Variants in PAX8 observed in about 807,000 individuals in gnomAD.
PAX8 encodes paired box protein Pax-8.
PAX8 carries 15 observed loss-of-function variants against 52.4 expected under a neutral mutation model. The observed-to-expected ratio is 0.29, with a 90% CI of 0.19 to 0.44. The LOEUF (loss-of-function observed/expected upper bound fraction) is 0.44, where lower values mean the gene tolerates loss of function less well. PAX8 is among the 20% of genes least tolerant of loss of function. PAX8 has a pLI of 1.00. For synonymous variants in PAX8, 284 were observed against 249.7 expected, an observed-to-expected ratio of 1.14 and a Z score of -1.29; for missense variants, 554 against 602.5, an observed-to-expected ratio of 0.92 and a Z score of 0.84.
In PAX8 at chr2:113,220,285, T is replaced by G. The variant is rs4849175; in HGVS notation, c.1190-107A>C. 1 allele frequency: 786,483 copies of G among 788,498 alleles called. 392,274 individuals are homozygous for G. Among genetic ancestry groups the G allele is most frequent in the East Asian group, 1 (37,622 of 37,622 alleles). 48.8% of individuals were successfully genotyped at this position (788,498 alleles called of 1,614,324 possible). On this transcript the variant is annotated intron_variant, in intron 10 of 11. Transcript: ENST00000429538. ...GGCAATGGGCAAGCTCAGGAATGGT[T>G]GGGGAGACAGTTGGAGCCACGGCAG... is the stretch of plus-strand genomic sequence containing the variant.
intron 5 of PAX8, 152 bp downstream of exon 5, chr2:113,242,538 G>T: frequency 1.4e-6 from 1 of 728,340 alleles, no homozygotes; most frequent in Non-Finnish European, 2.5e-6. Context: ...CGTCGCAGTG[G>T]CACAACTCAG....
intron 2 of PAX8, among the ~76,000 whole-genome samples, 176 bp downstream of exon 2, chr2:113,278,194 G>T (rs1435527790): frequency 6.6e-6 from 1 of 152,224 alleles, no homozygotes; most frequent in Non-Finnish European, 1.5e-5. Flanking sequence ...CCCAGTGCCC[G>T]AGAACAGCGA....
intron 4 of PAX8, among the ~76,000 whole-genome samples, chr2:113,243,211 A>G (rs953517089): frequency 5.3e-5 from 8 of 152,180 alleles, no homozygotes; most frequent in African/African-American, 1.9e-4. Flanking sequence ...TACTGCAGCC[A>G]GAGTGGACTT....
intron 10 of PAX8, chr2:113,226,806 T>C: frequency 8.1e-7 from 1 of 1,233,040 alleles, no homozygotes; most frequent in South Asian, 1.7e-5. Context: ...TCACAGTGTT[T>C]TGGGGCCCTT....
At chr2:113,261,812 A>C (rs936356560) in intron 2 of PAX8, among the ~76,000 whole-genome samples, 1 of 151,778 alleles carries the variant, frequency 6.6e-6, no homozygotes, top group African/African-American at 2.4e-5. Context: ...CATGCCCTGA[A>C]AGATTTTAGG....
At chr2:113,221,869 C>T (rs78038774) in intron 10 of PAX8, among the ~76,000 whole-genome samples, 6,641 of 151,518 alleles carry the variant, frequency 0.044, 230 homozygotes, top group South Asian at 0.15. Flanking sequence ...ACTGAGAACA[C>T]AGTAAGAAAG....
chr2:113,262,474 G>A (rs11903972), intron 2 of PAX8, among the ~76,000 whole-genome samples: 4 of 152,040 alleles, frequency 2.6e-5, no homozygotes, highest in Admixed American at 1.3e-4. Flanking sequence ...CTTCTGCAGC[G>A]GTGTTGCTCA....
chr2:113,256,226 C>T (rs537458141), intron 2 of PAX8, among the ~76,000 whole-genome samples: 7 of 152,204 alleles, frequency 4.6e-5, no homozygotes, highest in Non-Finnish European at 1.0e-4. Context: ...AAAGGAAACA[C>T]TGAAATAGCC....
chr2:113,243,085 G>A lies in PAX8; in HGVS notation c.390-307C>T, dbSNP rs191383744. 3.9e-5 allele frequency among the ~76,000 whole-genome samples: 6 copies of A among 152,210 alleles called. No individual in the cohort carries two copies. The East Asian group carries it at 5.8e-4, about 15-fold the overall frequency. On this transcript the variant is annotated intron_variant, in intron 4 of 11. Coordinates refer to ENST00000429538, the MANE Select transcript of PAX8 (RefSeq NM_003466.4). ...TTTTGACCTTGTGAACCTTGCCAAC[G>A]TTGACCCCTCTCTGCGTCTCTCCAT...
rs1178619735 is a variant in PAX8 at position 113,226,948 on chromosome 2, G to A, written c.1189+207C>T. The A allele has an allele frequency of 3.3e-5, 48 of 1,476,608 alleles. 1 individual carries two copies. The East Asian group carries it at 5.4e-4, about 17-fold the overall frequency. 91.5% of individuals were successfully genotyped at this position (1,476,608 alleles called of 1,614,324 possible). On this transcript the variant is annotated intron_variant, in intron 10 of 11. Coordinates refer to ENST00000429538, the MANE Select transcript of PAX8 (RefSeq NM_003466.4). The stretch of plus-strand genomic sequence containing the variant: ...TAGCAGGCCTGGGAAGAAGGAGGCC[G>A]AGCTGGGGCAAGTTAAATAGGGAGT...
At chr2:113,278,310 G>A (rs1331639414) in intron 2 of PAX8, 60 bp downstream of exon 2, 3 of 1,311,734 alleles carry the variant, frequency 2.3e-6, no homozygotes, top group Non-Finnish European at 3.3e-6. Flanking sequence ...CCACCCGAGC[G>A]CACGCACGGA....
In PAX8 at chr2:113,218,346, T is replaced by C. The variant is rs78802229; in HGVS notation, c.*187A>G. 0.058 allele frequency: 25,725 copies of C among 441,512 alleles called. 995 individuals carry two copies. Among genetic ancestry groups the C allele is most frequent in the Non-Finnish European group, 0.072 (18,026 of 249,688 alleles). The allele number at this position is 441,512 out of a possible 1,614,324, so 27.3% of individuals were successfully genotyped here. On this transcript the variant is annotated 3_prime_UTR_variant, in exon 12 of 12. Coordinates refer to ENST00000429538, the MANE Select transcript of PAX8 (RefSeq NM_003466.4). ...TCATTAAGGAGTCTTGGAGGACAGT[T>C]TGGCCTTGTCCAAGGTCATCCTGTC...
intron 9 of PAX8, among the ~76,000 whole-genome samples, chr2:113,233,019 A>ACCCCC (rs1341874130): frequency 3.1e-5 from 3 of 98,318 alleles, no homozygotes; most frequent in Non-Finnish European, 4.2e-5. Flanking sequence ...TCTTCTCCTC[A>ACCCCC]CCCCCTCCCC....
At chr2:113,227,084 C>G (rs894390903) in intron 10 of PAX8, 71 bp downstream of exon 10, 4 of 1,538,506 alleles carry the variant, frequency 2.6e-6, no homozygotes, top group Non-Finnish European at 3.5e-6. Context: ...ATGCCTCTTG[C>G]TCCTTGTGTC....
At chr2:113,247,411 GAAAAAA>G (rs1691421660) in intron 2 of PAX8, among the ~76,000 whole-genome samples, 1 of 152,178 alleles carries the variant, frequency 6.6e-6, no homozygotes, top group African/African-American at 2.4e-5. Flanking sequence ...ACCTCATTGA[GAAAAAA>G]AAATACAAAA....
Position 113,216,194 on chromosome 2 carries a change from C to T in PAX8, c.*2339G>A, listed in dbSNP as rs1201009146. On this transcript the variant is annotated 3_prime_UTR_variant, in exon 12 of 12. Transcript: ENST00000429538. Reference sequence around the variant, plus strand: ...TCCCAGAGGTTTGTGGTCAGGAAGACTCTCAGATGTCATGGATTCGGAGTC... The same window carrying T: ...TCCCAGAGGTTTGTGGTCAGGAAGATTCTCAGATGTCATGGATTCGGAGTC... 4.3e-6 allele frequency: 1 copy of T among 230,582 alleles called. No homozygotes were observed. The highest frequency in any genetic ancestry group is 2.2e-5 in the African/African-American group (1 of 45,182). 14.3% of individuals were successfully genotyped at this position (230,582 alleles called of 1,614,324 possible). A position where few individuals can be genotyped will look rare whatever the true frequency, so the allele number is the denominator to read the frequency against.
chr2:113,217,825 G>A lies in PAX8; in HGVS notation c.*708C>T, dbSNP rs768371093. 4.8e-4 allele frequency: 113 copies of A among 233,260 alleles called. No homozygotes were observed. The highest frequency in any genetic ancestry group is 8.5e-4 in the Non-Finnish European group (101 of 118,188). The allele number at this position is 233,260 out of a possible 1,614,324, so 14.4% of individuals were successfully genotyped here. ...CCTGGCTGACGGCAGCTGCCAAGGGGATGCCGCACTGCAGGAGGACCTGGG... is the reference window on the plus strand; with the variant it reads ...CCTGGCTGACGGCAGCTGCCAAGGGAATGCCGCACTGCAGGAGGACCTGGG... On this transcript the variant is annotated 3_prime_UTR_variant, in exon 12 of 12. Transcript: ENST00000429538.
rs753660776 is a variant in PAX8 at position 113,241,660 on chromosome 2, A to G, written c.668T>C (p.Leu223Pro). Reference sequence around the variant, plus strand: ...GTGCTGGCTGAAGGCATCCGTGCGAAGGTGCTTTCGGGGTCCGCTGCTGCT... The same window carrying G: ...GTGCTGGCTGAAGGCATCCGTGCGAGGGTGCTTTCGGGGTCCGCTGCTGCT... Reference protein sequence around the residue: ...QSSSSGPRKHLRTDAFSQHHL... With the variant: ...QSSSSGPRKHPRTDAFSQHHL... The change falls in exon 7 of 12, where the codon CTT becomes CCT. Residue 223 changes from leucine (L) to proline (P), a missense_variant. Coordinates refer to ENST00000429538, the MANE Select transcript of PAX8 (RefSeq NM_003466.4). 1 of 1,614,046 alleles carries G rather than the reference A, an allele frequency of 6.2e-7. No individual in the cohort carries two copies. Among genetic ancestry groups the G allele is most frequent in the African/African-American group, 1.3e-5 (1 of 74,930 alleles).
At chr2:113,275,494 G>A (rs962772496) in intron 2 of PAX8, 3 of 152,172 alleles carry the variant, frequency 2.0e-5, no homozygotes, top group Admixed American at 1.3e-4. Flanking sequence ...TAGGAATGGG[G>A]CTTTAGATCT....
Sources: gnomAD v4.1 joint callset for allele counts (sites outside exome capture counted in the v4.1 genomes callset) on GRCh38, gnomAD v4.1.1 for gene constraint, MANE v1.5 for transcripts, NCBI Gene and HGNC (gene_info 2026-07-23, HGNC 2026-07-21) for gene names.